LY75: variants seen among roughly 807,000 people sequenced by gnomAD.
The protein encoded by LY75 is C-type lectin domain family 13 member B.
Under a neutral mutation model 231.7 loss-of-function variants are expected in LY75, and 185 were observed. The ratio of observed to expected loss-of-function variants is 0.80; its 90% confidence interval spans 0.71 to 0.90. The LOEUF (loss-of-function observed/expected upper bound fraction) is 0.90, where lower values mean the gene tolerates loss of function less well. Among genes scored for constraint, LY75 ranks in the 40% least tolerant of loss-of-function variants. The pLI, the probability that LY75 is intolerant of heterozygous loss-of-function variation, is 0.00. For missense variants in LY75, 1,947 were observed against 2,050.2 expected (o/e 0.95, Z 0.97); for synonymous variants, 668 against 689.0 (o/e 0.97, Z 0.48).
At chr2:159,808,007 G>A (rs1346326) in intron 33 of LY75, 842,478 of 920,900 alleles carry the variant, frequency 0.91, 385,756 homozygotes, top group African/African-American at 0.96. Context: ...ATTTTAACCA[G>A]TGGTAAAAAT....
chr2:159,884,083 A>G (rs1006236584), intron 6 of LY75, among the ~76,000 whole-genome samples: 27 of 152,168 alleles, frequency 1.8e-4, no homozygotes, highest in Non-Finnish European at 3.4e-4. Flanking sequence ...AATAAGTCTC[A>G]TGAGATCTGG....
chr2:159,904,374 C>T (rs545078484), intron 1 of LY75, among the ~76,000 whole-genome samples: 6 of 152,254 alleles, frequency 3.9e-5, no homozygotes, highest in Non-Finnish European at 7.3e-5. Flanking sequence ...CTCCCACATC[C>T]ACCGCGCCCT....
At chr2:159,855,995 C>T (rs1684540294) in intron 16 of LY75, among the ~76,000 whole-genome samples, 2 of 152,156 alleles carry the variant, frequency 1.3e-5, no homozygotes, top group South Asian at 4.1e-4. Context: ...TGGATAATTT[C>T]CAACAATAAT....
chr2:159,885,420 T>A, intron 5 of LY75, 127 bp from the exon 6 acceptor site: 1 of 1,237,764 alleles, frequency 8.1e-7, no homozygotes, highest in Non-Finnish European at 1.1e-6. Context: ...AAAACTTAAC[T>A]AAATTGAAAC....
At chr2:159,895,599 C>T (rs930830687) in intron 2 of LY75, among the ~76,000 whole-genome samples, 20 of 152,124 alleles carry the variant, frequency 1.3e-4, no homozygotes, top group African/African-American at 4.6e-4. Context: ...TGGGAAATCC[C>T]CATTTTTGCA....
chr2:159,832,596 G>C (rs1245425633), intron 27 of LY75, among the ~76,000 whole-genome samples: 1 of 151,852 alleles, frequency 6.6e-6, no homozygotes, highest in Non-Finnish European at 1.5e-5. Context: ...GGAAGTTTCA[G>C]AAAAGATCTA....
intron 25 of LY75, among the ~76,000 whole-genome samples, chr2:159,837,427 T>A (rs981064075): frequency 2.0e-5 from 3 of 152,116 alleles, no homozygotes; most frequent in African/African-American, 7.2e-5. Context: ...CTTATATAAG[T>A]GGGAGCTAAA....
Position 159,810,515 on chromosome 2 carries a change from T to C in LY75, c.4699+11A>G. ...ATTGAGTCATAAGAAAATCAACAAA[T>C]TTTAACTCACCATGTTTTGAACACA... is the stretch of plus-strand genomic sequence containing the variant. On this transcript the variant is annotated intron_variant, in intron 32 of 34. Transcript: ENST00000263636. The C allele has an allele frequency of 6.2e-7, 1 of 1,606,242 alleles. No individual in the cohort carries two copies. Among genetic ancestry groups the C allele is most frequent in the Non-Finnish European group, 8.5e-7 (1 of 1,177,914 alleles).
At chr2:159,847,407 C>T (rs1684236759) in intron 23 of LY75, among the ~76,000 whole-genome samples, 1 of 152,094 alleles carries the variant, frequency 6.6e-6, no homozygotes, top group African/African-American at 2.4e-5. Flanking sequence ...TCATGGCTCA[C>T]TACAGACTTG....
rs760467955 is a variant in LY75 at position 159,894,066 on chromosome 2, C to G, written c.485G>C (p.Gly162Ala). The change falls in exon 3 of 35, where the codon GGG (glycine) becomes GCG (alanine). Residue 162 changes from glycine to alanine, a missense_variant. Coordinates refer to ENST00000263636, the MANE Select transcript of LY75 (RefSeq NM_002349.4). ...TTCACAAGGTCTCCCATAAGAGTTC[C>G]CATCTCTGGTATAGATCTCTGGGTT... Reference protein sequence around the residue: ...QPYHEIYTRDGNSYGRPCEFP... With the variant: ...QPYHEIYTRDANSYGRPCEFP... The G allele has an allele frequency of 1.9e-6, 3 of 1,611,594 alleles. No individual in the cohort carries two copies. The highest frequency in any genetic ancestry group is 4.5e-5 in the East Asian group (2 of 44,716).
chr2:159,861,560 C>T (rs1272969107), intron 14 of LY75, among the ~76,000 whole-genome samples: 1 of 152,024 alleles, frequency 6.6e-6, no homozygotes, highest in Non-Finnish European at 1.5e-5. Flanking sequence ...CCAGCCTGGG[C>T]AACATGGTGA....
chr2:159,843,547 T>C (rs934863201), intron 23 of LY75, among the ~76,000 whole-genome samples: 5 of 152,076 alleles, frequency 3.3e-5, no homozygotes, highest in African/African-American at 1.2e-4. Flanking sequence ...ATAAATTATC[T>C]TATATAATCC....
intron 21 of LY75, 99 bp from the exon 22 acceptor site, chr2:159,850,566 G>T: frequency 6.7e-7 from 1 of 1,496,070 alleles, no homozygotes. Context: ...CTAATTTTCG[G>T]TCTGTGAGAT....
intron 15 of LY75, among the ~76,000 whole-genome samples, chr2:159,860,607 C>T (rs181550474): frequency 6.6e-4 from 101 of 152,268 alleles, no homozygotes; most frequent in African/African-American, 2.3e-3. Context: ...CATATTACTG[C>T]GTGGTAATGA....
At chr2:159,848,093 T>TACATACACACACACACACACACACACAC (rs1684266565) in intron 23 of LY75, among the ~76,000 whole-genome samples, 1 of 28,548 alleles carries the variant, frequency 3.5e-5, no homozygotes, top group African/African-American at 1.4e-4. Flanking sequence ...TATATATATA[T>TACATACACACACACACACACACACACAC]ACACACACAC....
At chr2:159,847,352 GA>G (rs1684235648) in intron 23 of LY75, among the ~76,000 whole-genome samples, 1 of 152,052 alleles carries the variant, frequency 6.6e-6, no homozygotes, top group Admixed American at 6.6e-5. Context: ...TTTTTTTAGA[GA>G]CAGGGTCTTG....
Position 159,842,347 on chromosome 2 carries a change from A to G in LY75, c.3178T>C (p.Cys1060Arg), listed in dbSNP as rs753148576. 2.5e-6 allele frequency: 4 copies of G among 1,611,478 alleles called. No individual in the cohort carries two copies. The change falls in exon 24 of 35, where the codon TGT becomes CGT. Residue 1060 changes from cysteine to arginine, a missense_variant. Physicochemically the swap from Cys to Arg is radical, Grantham distance 180. Transcript: ENST00000263636. ...TTTTGGAGGTTGAGTATTAGGGCAC[A>G]GTGGTAGCGAGACTCTTCCTCAAAA... The part of the protein sequence containing the change: ...NFFEEESRYH[C>R]ALILNLQKSP...
At chr2:159,822,603 C>G (rs1345568977) in intron 28 of LY75, among the ~76,000 whole-genome samples, 4 of 152,158 alleles carry the variant, frequency 2.6e-5, no homozygotes, top group Non-Finnish European at 4.4e-5. Context: ...CCTCCCAGCA[C>G]AGTGTTCGAG....
At chr2:159,901,876 A>G (rs1294948776) in intron 1 of LY75, among the ~76,000 whole-genome samples, 1 of 152,242 alleles carries the variant, frequency 6.6e-6, no homozygotes, top group East Asian at 1.9e-4. Context: ...ATGTATAAAC[A>G]TACATTAGAT....
Sources: gnomAD v4.1 joint callset for allele counts (sites outside exome capture counted in the v4.1 genomes callset) on GRCh38, gnomAD v4.1.1 for gene constraint, MANE v1.5 for transcripts, NCBI Gene and HGNC (gene_info 2026-07-23, HGNC 2026-07-21) for gene names.